TCF7L2: variants seen among roughly 807,000 people sequenced by gnomAD.
The protein encoded by TCF7L2 is transcription factor 7 like 2.
Under a neutral mutation model 77.9 loss-of-function variants are expected in TCF7L2, and 23 were observed. The ratio of observed to expected loss-of-function variants is 0.30; its 90% CI spans 0.21 to 0.42. The LOEUF is 0.42. TCF7L2 is among the 10% of genes least tolerant of loss of function. TCF7L2 has a pLI of 1.00. For missense variants in TCF7L2, 654 were observed against 793.1 expected (o/e 0.82, Z 2.11); for synonymous variants, 413 against 340.2 (o/e 1.21, Z -2.36).
intron 5 of TCF7L2, chr10:113,129,719 G>C: frequency 8.3e-7 from 1 of 1,211,536 alleles, no homozygotes; most frequent in Non-Finnish European, 1.0e-6. Flanking sequence ...TTCTTTAAGT[G>C]AAAGGTTTAA....
At chr10:113,126,435 G>A (rs1013755841) in intron 5 of TCF7L2, among the ~76,000 whole-genome samples, 1 of 152,126 alleles carries the variant, frequency 6.6e-6, no homozygotes, top group Non-Finnish European at 1.5e-5. Flanking sequence ...CACCAACTTA[G>A]GTGAAGTTCT....
rs182091266 is a variant in TCF7L2 at position 112,959,998 on chromosome 10, T to C, written c.382-4558T>C. Among the ~76,000 whole-genome samples, 517 of 151,662 alleles carry C rather than the reference T, an allele frequency of 3.4e-3. 2 individuals carry two copies. The highest frequency in any genetic ancestry group is 5.4e-3 in the Non-Finnish European group (370 of 67,928). ...AAATGATCTGTTTTTTTTTTTAATATAGATAAGAGAAAGCCAGGTGATTCA... is the reference window on the plus strand; with the variant it reads ...AAATGATCTGTTTTTTTTTTTAATACAGATAAGAGAAAGCCAGGTGATTCA... On this transcript the variant is annotated intron_variant, in intron 3 of 13. Coordinates refer to ENST00000627217, the MANE Select transcript of TCF7L2 (RefSeq NM_001146274.2).
chr10:112,990,440 C>T (rs1466660666), intron 4 of TCF7L2, among the ~76,000 whole-genome samples: 3 of 152,186 alleles, frequency 2.0e-5, no homozygotes, highest in African/African-American at 7.2e-5. Context: ...AGGCGCATGA[C>T]TCATGCCAGT....
intron 4 of TCF7L2, among the ~76,000 whole-genome samples, chr10:112,979,072 C>T (rs574234084): frequency 6.6e-6 from 1 of 152,196 alleles, no homozygotes; most frequent in African/African-American, 2.4e-5. Context: ...GCTAAAGCCC[C>T]CTAGTGAGTT....
intron 5 of TCF7L2, among the ~76,000 whole-genome samples, chr10:113,094,301 A>T (rs1322353149): frequency 6.6e-6 from 1 of 152,172 alleles, no homozygotes; most frequent in Non-Finnish European, 1.5e-5. Context: ...TTTATGTCTG[A>T]TTTCTAAAAA....
rs1487288347 is a variant in TCF7L2 at position 113,158,089 on chromosome 10, T to G, written c.1318+20T>G. 6.3e-7 allele frequency: 1 copy of G among 1,588,232 alleles called. No homozygotes were observed. Among genetic ancestry groups the G allele is most frequent in the Non-Finnish European group, 8.6e-7 (1 of 1,166,176 alleles). Reference sequence around the variant, plus strand: ...CCAATGGTAAGTGACAATCATCAGGTTAGAGGAAGGAGCTGTAGCCTGAGG... The same window carrying G: ...CCAATGGTAAGTGACAATCATCAGGGTAGAGGAAGGAGCTGTAGCCTGAGG... On this transcript the variant is annotated intron_variant, in intron 12 of 13. Coordinates refer to ENST00000627217, the MANE Select transcript of TCF7L2 (RefSeq NM_001146274.2).
chr10:113,069,177 G>A (rs529985267), intron 5 of TCF7L2, among the ~76,000 whole-genome samples: 97 of 151,948 alleles, frequency 6.4e-4, no homozygotes, highest in African/African-American at 2.1e-3. Context: ...GTTGCGGTGG[G>A]CGCTGTAAAT....
At chr10:112,957,693 G>A (rs150216688) in intron 3 of TCF7L2, among the ~76,000 whole-genome samples, 8 of 152,090 alleles carry the variant, frequency 5.3e-5, no homozygotes, top group Admixed American at 4.6e-4. Flanking sequence ...AGCAAAGATG[G>A]GCTGCGATCC....
chr10:113,144,434 T>A (rs957289483), intron 7 of TCF7L2, among the ~76,000 whole-genome samples: 1 of 151,974 alleles, frequency 6.6e-6, no homozygotes, highest in African/African-American at 2.4e-5. Flanking sequence ...GGCTGTCGAG[T>A]CCTCCATTTT....
intron 6 of TCF7L2, among the ~76,000 whole-genome samples, chr10:113,142,597 C>T (rs777991345): frequency 4.9e-4 from 75 of 152,162 alleles, no homozygotes; most frequent in South Asian, 6.2e-4. Context: ...CCTGGTTAGG[C>T]GGCCTTCACT....
intron 5 of TCF7L2, among the ~76,000 whole-genome samples, chr10:113,117,426 T>A (rs1337117537): frequency 2.8e-5 from 1 of 36,030 alleles, no homozygotes; most frequent in Non-Finnish European, 5.4e-5. Context: ...TCTCTCTCTC[T>A]CTCTCTCCCT....
At chr10:113,117,604 GAA>G (rs2064029465) in intron 5 of TCF7L2, among the ~76,000 whole-genome samples, 1 of 152,208 alleles carries the variant, frequency 6.6e-6, no homozygotes, top group Non-Finnish European at 1.5e-5. Flanking sequence ...AGGAAAAAAA[GAA>G]TGATATAATT....
chr10:112,968,651 T>C (rs898684811), intron 4 of TCF7L2, among the ~76,000 whole-genome samples: 3 of 152,272 alleles, frequency 2.0e-5, no homozygotes, highest in Admixed American at 6.5e-5. Flanking sequence ...TGATCTCGGC[T>C]CACTGCAACC....
intron 6 of TCF7L2, 44 bp from the exon 7 acceptor site, chr10:113,143,879 C>T (rs2136925721): frequency 4.7e-6 from 7 of 1,488,200 alleles, no homozygotes; most frequent in Admixed American, 1.8e-5. Flanking sequence ...TTGCTCTTTC[C>T]TTCTCTCCCT....
At chr10:113,043,243 C>G (rs140073491) in intron 5 of TCF7L2, among the ~76,000 whole-genome samples, 1 of 152,326 alleles carries the variant, frequency 6.6e-6, no homozygotes, top group East Asian at 1.9e-4. Flanking sequence ...GGGGCAGAAT[C>G]TTCACGTGGG....
chr10:112,990,339 C>A (rs985678510), intron 4 of TCF7L2, among the ~76,000 whole-genome samples: 10 of 152,100 alleles, frequency 6.6e-5, no homozygotes, highest in African/African-American at 2.4e-4. Flanking sequence ...CTCCCCCAAC[C>A]TTTTCCCCAG....
At chr10:112,990,576 G>A (rs1451915634) in intron 4 of TCF7L2, among the ~76,000 whole-genome samples, 1 of 151,884 alleles carries the variant, frequency 6.6e-6, no homozygotes, top group East Asian at 1.9e-4. Flanking sequence ...GCATGGTGGT[G>A]CATGCCTGTA....
intron 5 of TCF7L2, among the ~76,000 whole-genome samples, chr10:113,053,837 G>A (rs1311136164): frequency 2.6e-5 from 4 of 152,182 alleles, no homozygotes; most frequent in Non-Finnish European, 5.9e-5. Context: ...TTATTATCCC[G>A]ATTTGGCAGA....
chr10:113,060,687 T>C (rs968028265), intron 5 of TCF7L2, among the ~76,000 whole-genome samples: 1 of 152,118 alleles, frequency 6.6e-6, no homozygotes, highest in Non-Finnish European at 1.5e-5. Flanking sequence ...GAGCAGGTTT[T>C]TCCCAGAAGA....
Sources: allele counts gnomAD v4.1 joint callset (sites outside exome capture counted in the v4.1 genomes callset), GRCh38; gene constraint gnomAD v4.1.1; transcripts MANE v1.5; gene names NCBI Gene and HGNC (gene_info 2026-07-23, HGNC 2026-07-21).